The following METAP1 variants were observed in gnomAD, a reference collection of about 807,000 sequenced individuals.
The protein encoded by METAP1 is methionine aminopeptidase 1.
In METAP1, 28 loss-of-function variants were observed where a neutral mutation model predicts 53.8. That is an observed-to-expected ratio of 0.52 (90% confidence interval 0.39 to 0.71). METAP1 has a LOEUF of 0.71. METAP1 is among the 30% of genes least tolerant of loss of function. METAP1 has a pLI of 0.00. For missense variants in METAP1, 389 were observed against 479.8 expected (o/e 0.81, Z 1.77); for synonymous variants, 181 against 165.7 (o/e 1.09, Z -0.71).
intron 2 of METAP1, among the ~76,000 whole-genome samples, chr4:99,033,198 C>T (rs942957503): frequency 2.6e-5 from 4 of 151,664 alleles, no homozygotes; most frequent in African/African-American, 9.7e-5. Flanking sequence ...TTTAAGATTC[C>T]ATCTAGTTTC....
rs1724780159 is a variant in METAP1, at chr4:99,028,883, G to T, written c.131G>T (p.Ser44Ile). The change falls in exon 2 of 11, where the codon AGT becomes ATT. Residue 44 changes from serine (S) to isoleucine (I), a missense_variant. By Grantham distance (142) the Ser-to-Ile change is moderately radical. Coordinates refer to ENST00000296411, the MANE Select transcript of METAP1 (RefSeq NM_015143.3). ...YFCSQECFKG[S>I]WATHKLLHKK... ...TTCTTTTAGGAATGTTTTAAAGGAA[G>T]TTGGGCTACTCACAAGTTACTACAT... is the stretch of plus-strand genomic sequence containing the variant. 1.3e-6 allele frequency: 2 copies of T among 1,544,578 alleles called. No homozygotes were observed. Among genetic ancestry groups the T allele is most frequent in the African/African-American group, 1.4e-5 (1 of 72,876 alleles).
chr4:99,026,681 C>G (rs746130549), intron 1 of METAP1: 43 of 985,198 alleles, frequency 4.4e-5, no homozygotes, highest in Non-Finnish European at 5.2e-5. Context: ...TTGAGTATTC[C>G]TCTTCTACTG....
intron 1 of METAP1, among the ~76,000 whole-genome samples, chr4:98,996,598 G>C (rs1579222619): frequency 6.6e-6 from 1 of 152,238 alleles, no homozygotes; most frequent in Admixed American, 6.5e-5. Context: ...ATTTCCCAGA[G>C]TGAAAAGGAC....
intron 9 of METAP1, among the ~76,000 whole-genome samples, chr4:99,051,112 G>A (rs1250904015): frequency 2.0e-5 from 3 of 152,202 alleles, no homozygotes; most frequent in Non-Finnish European, 1.5e-5. Context: ...AGTGGGGTGT[G>A]TGTATGTAAG....
At chr4:99,040,431 C>T (rs1725771832) in intron 5 of METAP1, among the ~76,000 whole-genome samples, 1 of 150,222 alleles carries the variant, frequency 6.7e-6, no homozygotes, top group Non-Finnish European at 1.5e-5. Context: ...AGAACTTTCT[C>T]TTCCTATGAC....
At chr4:99,034,102 C>T in intron 2 of METAP1, 128 bp from the exon 3 acceptor site, 2 of 609,640 alleles carry the variant, frequency 3.3e-6, no homozygotes, top group Non-Finnish European at 5.8e-6. Context: ...ATTTTTGTGC[C>T]TGGACTTGTT....
chr4:99,051,301 C>T (rs761461623), intron 9 of METAP1, among the ~76,000 whole-genome samples: 7 of 152,092 alleles, frequency 4.6e-5, no homozygotes, highest in Non-Finnish European at 7.4e-5. Flanking sequence ...CACTGTTATA[C>T]AAAAGGTGTC....
At chr4:99,032,664 G>C (rs1725130162) in intron 2 of METAP1, among the ~76,000 whole-genome samples, 1 of 152,154 alleles carries the variant, frequency 6.6e-6, no homozygotes, top group Admixed American at 6.5e-5. Context: ...CCTGCGTCTT[G>C]ATTGCTTTTC....
At chr4:99,027,907 C>T (rs1237571589) in intron 1 of METAP1, among the ~76,000 whole-genome samples, 1 of 152,004 alleles carries the variant, frequency 6.6e-6, no homozygotes, top group Non-Finnish European at 1.5e-5. Context: ...CAAACCTTTA[C>T]AGAAGGCAGC....
At chr4:99,032,690 G>A (rs1230196) in intron 2 of METAP1, among the ~76,000 whole-genome samples, 25,112 of 152,116 alleles carry the variant, frequency 0.17, 3,347 homozygotes, top group East Asian at 0.8. Flanking sequence ...TAGGTTTTGG[G>A]AGAAAGTTAT....
intron 10 of METAP1, among the ~76,000 whole-genome samples, chr4:99,060,948 G>A (rs2110442978): frequency 6.6e-6 from 1 of 152,198 alleles, no homozygotes; most frequent in Non-Finnish European, 1.5e-5. Context: ...TGATATTTGG[G>A]ATATATAAAA....
chr4:99,003,621 A>G (rs1236747136), intron 1 of METAP1, among the ~76,000 whole-genome samples: 4 of 152,240 alleles, frequency 2.6e-5, no homozygotes, highest in African/African-American at 9.6e-5. Context: ...TAAGGACCAT[A>G]AAGTCAGGAT....
In METAP1 at chr4:99,061,455, G is replaced by C; in HGVS notation, c.*138G>C. 1.4e-6 allele frequency: 1 copy of C among 737,408 alleles called. No individual in the cohort carries two copies. The allele number at this position is 737,408 out of a possible 1,614,324, so 45.7% of individuals were successfully genotyped here. On this transcript the variant is annotated 3_prime_UTR_variant, in exon 11 of 11. Coordinates refer to ENST00000296411, the MANE Select transcript of METAP1 (RefSeq NM_015143.3). The stretch of plus-strand genomic sequence containing the variant: ...ATAAGAAAGGACTACAGCATTTGAT[G>C]TGTGTCCTCAAGAACTTGTCTTGGG...
At chr4:99,056,667 T>C (rs1415062900) in intron 9 of METAP1, among the ~76,000 whole-genome samples, 2 of 149,856 alleles carry the variant, frequency 1.3e-5, no homozygotes, top group African/African-American at 2.5e-5. Flanking sequence ...GCCTCCCGGG[T>C]TCATGCCATT....
intron 3 of METAP1, among the ~76,000 whole-genome samples, chr4:99,035,199 A>G (rs1420736548): frequency 1.3e-5 from 2 of 152,300 alleles, no homozygotes; most frequent in Admixed American, 6.5e-5. Context: ...GGCCTTGGCC[A>G]CTTTCCCCCT....
intron 1 of METAP1, among the ~76,000 whole-genome samples, chr4:99,007,295 C>T (rs1723220439): frequency 1.3e-5 from 2 of 152,102 alleles, no homozygotes; most frequent in African/African-American, 4.8e-5. Context: ...TGATGTTATC[C>T]ACTTCACATT....
In METAP1 at chr4:99,028,926, C is replaced by G; in HGVS notation, c.166+8C>G. 1 of 1,530,282 alleles carries G rather than the reference C, an allele frequency of 6.5e-7. No homozygotes were observed. Among genetic ancestry groups the G allele is most frequent in the Non-Finnish European group, 8.8e-7 (1 of 1,131,510 alleles). 94.8% of individuals were successfully genotyped at this position (1,530,282 alleles called of 1,614,324 possible). ...TACTACATAAGAAAGCAAGTAAGTA[C>G]AATCACAAATTTTTACACCATTTGT... On this transcript the variant is annotated splice_region_variant and intron_variant, in intron 2 of 10. Transcript: ENST00000296411.
intron 1 of METAP1, among the ~76,000 whole-genome samples, chr4:98,996,451 T>C (rs1478588082): frequency 6.6e-6 from 1 of 152,248 alleles, no homozygotes; most frequent in Non-Finnish European, 1.5e-5. Context: ...CTTTGTGCTT[T>C]ACTACCGTGC....
At chr4:99,030,327 C>G (rs1293263343) in intron 2 of METAP1, among the ~76,000 whole-genome samples, 1 of 152,280 alleles carries the variant, frequency 6.6e-6, no homozygotes, top group South Asian at 2.1e-4. Flanking sequence ...GAATAAACAG[C>G]AAGTGTTCCC....
Sources: allele counts gnomAD v4.1 joint callset (sites outside exome capture counted in the v4.1 genomes callset), GRCh38; gene constraint gnomAD v4.1.1; transcripts MANE v1.5; gene names NCBI Gene and HGNC (gene_info 2026-07-23, HGNC 2026-07-21).